Variants in CRYBG1 observed in about 807,000 individuals in gnomAD.
CRYBG1 encodes the protein crystallin beta-gamma domain containing 1, also known as beta/gamma crystallin domain-containing protein 1.
Under a neutral mutation model 189.2 loss-of-function variants are expected in CRYBG1, and 139 were observed. The observed-to-expected ratio is 0.73, with a 90% CI of 0.64 to 0.85. The LOEUF (loss-of-function observed/expected upper bound fraction) is 0.85, where lower values mean the gene tolerates loss of function less well. Ranked by LOEUF, CRYBG1 falls within the 40% of genes least tolerant of loss-of-function variation. CRYBG1 has a pLI of 0.00. For missense variants in CRYBG1, 2,611 were observed against 2,675.8 expected, an observed-to-expected ratio of 0.98 and a Z score of 0.53; for synonymous variants, 1,023 against 1,017.1, an observed-to-expected ratio of 1.01 and a Z score of -0.11.
At chr6:106,404,398 A>G (rs1770776721) in intron 1 of CRYBG1, among the ~76,000 whole-genome samples, 1 of 152,240 alleles carries the variant, frequency 6.6e-6, no homozygotes, top group African/African-American at 2.4e-5. Flanking sequence ...TGCTAATATC[A>G]TTTAATTGAT....
intron 1 of CRYBG1, among the ~76,000 whole-genome samples, chr6:106,395,508 T>C (rs1770586887): frequency 6.6e-6 from 1 of 152,068 alleles, no homozygotes; most frequent in Non-Finnish European, 1.5e-5. Context: ...TATATTTTAA[T>C]GCTATATCTT....
At chr6:106,558,702 C>T in intron 18 of CRYBG1, 77 bp downstream of exon 18, 2 of 1,229,362 alleles carry the variant, frequency 1.6e-6, no homozygotes, top group South Asian at 1.8e-5. Flanking sequence ...GTGGCTCACG[C>T]CTGTATTCCC....
rs142645374 is a variant in CRYBG1 at position 106,482,644 on chromosome 6, G to A, written c.313-28786G>A. 2.4e-3 allele frequency among the ~76,000 whole-genome samples: 360 copies of A among 152,100 alleles called. 5 individuals carry two copies. The East Asian group carries it at 0.042, about 18-fold the overall frequency. On this transcript the variant is annotated intron_variant, in intron 2 of 21. Coordinates refer to ENST00000633556, the MANE Select transcript of CRYBG1 (RefSeq NM_001371242.2). Reference sequence around the variant, plus strand: ...CAAAAAATTAGCTGGGCGTGGTGGCGGGCACCTGTATTCCCAGCTACTTGG... The same window carrying A: ...CAAAAAATTAGCTGGGCGTGGTGGCAGGCACCTGTATTCCCAGCTACTTGG...
chr6:106,369,519 T>C (rs1352343252), intron 1 of CRYBG1, among the ~76,000 whole-genome samples: 4 of 152,202 alleles, frequency 2.6e-5, no homozygotes, highest in Non-Finnish European at 5.9e-5. Flanking sequence ...CCATGCAGAG[T>C]ACACCTCTTA....
chr6:106,521,221 A>G lies in CRYBG1; in HGVS notation c.4013A>G (p.Lys1338Arg), dbSNP rs2114541952. Residue 1338 changes from lysine (K) to arginine (R), a missense_variant, in exon 4 of 22, where the codon AAA becomes AGA. Lys to Arg is a conservative substitution (Grantham distance 26, BLOSUM62 2). Coordinates refer to ENST00000633556, the MANE Select transcript of CRYBG1 (RefSeq NM_001371242.2). ...ATGGAAAAATACCCGCAAAAAGAGA[A>G]AACCAAAGAAGATCTGGATTCACGA... ...SHMEKYPQKE[K>R]TKEDLDSRSN... 6.2e-7 allele frequency: 1 copy of G among 1,614,102 alleles called. No individual in the cohort carries two copies. Among genetic ancestry groups the G allele is most frequent in the Middle Eastern group, 1.6e-4 (1 of 6,062 alleles).
chr6:106,488,756 G>T (rs1225307634), intron 2 of CRYBG1, among the ~76,000 whole-genome samples: 1 of 152,170 alleles, frequency 6.6e-6, no homozygotes, highest in Non-Finnish European at 1.5e-5. Flanking sequence ...ATTTTGGCGT[G>T]GGTGTCCCAG....
At position 106,553,480 on chromosome 6, in the gene CRYBG1, T is replaced by A. The variant is rs868662226; in HGVS notation, c.5498T>A (p.Phe1833Tyr). 15 of 1,613,168 alleles carry A rather than the reference T, an allele frequency of 9.3e-6. No individual in the cohort carries two copies. Among genetic ancestry groups the A allele is most frequent in the Non-Finnish European group, 1.2e-5 (14 of 1,179,234 alleles). The change falls in exon 16 of 22, where the codon TTT becomes TAT. Residue 1833 changes from phenylalanine (F) to tyrosine (Y), a missense_variant. Phe to Tyr is a conservative substitution (Grantham distance 22, BLOSUM62 3). Transcript: ENST00000633556. ...ATTCACTTGTTTTCAGAACCACAGT[T>A]TCAAGGTCACAGTCAAAGTTTTGAA... ...NQIHLFSEPQ[F>Y]QGHSQSFEET...
Position 106,569,389 on chromosome 6 carries a change from TTTTG to T in CRYBG1, c.*827_*830del, listed in dbSNP as rs778372060. On this transcript the variant is annotated 3_prime_UTR_variant, in exon 22 of 22. Coordinates refer to ENST00000633556, the MANE Select transcript of CRYBG1 (RefSeq NM_001371242.2). ...GCACACATCACCAAGCCCAGCCAAATTTTGTTTTTTTTTTGTAGAGATGGGGTTT... is the reference window on the plus strand; with the variant it reads ...GCACACATCACCAAGCCCAGCCAAATTTTTTTTTTTGTAGAGATGGGGTTT... 10 of 151,864 alleles carry T rather than the reference TTTTG, an allele frequency of 6.6e-5. No individual in the cohort carries two copies. The East Asian group carries it at 1.4e-3, about 21-fold the overall frequency. The allele number at this position is 151,864 out of a possible 1,614,324, so 9.4% of individuals were successfully genotyped here.
At position 106,563,868 on chromosome 6, in the gene CRYBG1, G is replaced by A. The variant is rs376626206; in HGVS notation, c.6243G>A (p.Leu2081=). The change falls in exon 21 of 22, where the codon TTG becomes TTA. Residue 2081 remains leucine, a synonymous_variant. Coordinates refer to ENST00000633556, the MANE Select transcript of CRYBG1 (RefSeq NM_001371242.2). ...ATGCTGACAGCCAGTTCTGGAGCTT[G>A]AAGTCCGATGGCAGGATTTACAGCA... The part of the protein sequence containing the change: ...DQNADSQFWS[L]KSDGRIYSKL... 1 of 1,613,474 alleles carries A rather than the reference G, an allele frequency of 6.2e-7. No individual in the cohort carries two copies. Among genetic ancestry groups the A allele is most frequent in the African/African-American group, 1.3e-5 (1 of 74,918 alleles).
chr6:106,424,269 C>T (rs1475267731), intron 1 of CRYBG1, among the ~76,000 whole-genome samples: 1 of 142,114 alleles, frequency 7.0e-6, no homozygotes, highest in Admixed American at 6.7e-5. Flanking sequence ...GAAGGATAAT[C>T]AGTCAATTGG....
Position 106,360,783 on chromosome 6 carries a change from A to AG in CRYBG1, c.-121dup. ...CGGCCGTCCCCCCGCATCCGCGACGAGGGGGCGGGGTCCCACGGCGCGCTG... is the reference window on the plus strand; with the variant it reads ...CGGCCGTCCCCCCGCATCCGCGACGAGGGGGGCGGGGTCCCACGGCGCGCTG... On this transcript the variant is annotated 5_prime_UTR_variant, in exon 1 of 22. Coordinates refer to ENST00000633556, the MANE Select transcript of CRYBG1 (RefSeq NM_001371242.2). 8.6e-7 allele frequency: 1 copy of AG among 1,157,048 alleles called. No individual in the cohort carries two copies. Among genetic ancestry groups the AG allele is most frequent in the South Asian group, 1.7e-5 (1 of 58,376 alleles). The allele number at this position is 1,157,048 out of a possible 1,614,324, so 71.7% of individuals were successfully genotyped here.
chr6:106,371,889 G>T (rs1156906172), intron 1 of CRYBG1, among the ~76,000 whole-genome samples: 1 of 152,180 alleles, frequency 6.6e-6, no homozygotes, highest in African/African-American at 2.4e-5. Context: ...GCACTTAATT[G>T]TATCCTTTCC....
At chr6:106,547,640 G>A (rs1676028) in intron 13 of CRYBG1, among the ~76,000 whole-genome samples, 124,829 of 152,166 alleles carry the variant, frequency 0.82, 51,851 homozygotes, top group South Asian at 0.95. Context: ...TTTTAGCTTG[G>A]TTCTTTATTT....
At position 106,568,787 on chromosome 6, in the gene CRYBG1, C is replaced by T; in HGVS notation, c.*221C>T. 2.3e-6 allele frequency: 1 copy of T among 440,020 alleles called. No individual in the cohort carries two copies. The highest frequency in any genetic ancestry group is 5.6e-4 in the Middle Eastern group (1 of 1,798). The allele number at this position is 440,020 out of a possible 1,614,324, so 27.3% of individuals were successfully genotyped here. A position where few individuals can be genotyped will look rare whatever the true frequency, so the allele number is the denominator to read the frequency against. ...TAATTTGTCCTCCTTTCATTTCTTG[C>T]CTTTCATTTTTGGTAGCTGCTTAAA... On this transcript the variant is annotated 3_prime_UTR_variant, in exon 22 of 22. Transcript: ENST00000633556.
At chr6:106,549,659 G>T (rs1774352966) in intron 13 of CRYBG1, among the ~76,000 whole-genome samples, 3 of 151,884 alleles carry the variant, frequency 2.0e-5, no homozygotes, top group African/African-American at 7.3e-5. Context: ...GGGATGGGGG[G>T]TGGTAGGGGG....
At chr6:106,446,544 A>G (rs2114429327) in intron 1 of CRYBG1, among the ~76,000 whole-genome samples, 1 of 152,278 alleles carries the variant, frequency 6.6e-6, no homozygotes, top group African/African-American at 2.4e-5. Flanking sequence ...ACATTTTATT[A>G]TTTTGGATGT....
In CRYBG1 at chr6:106,544,778, T is replaced by A. The variant is rs1252948825; in HGVS notation, c.5167-10T>A. 5 of 1,601,526 alleles carry A rather than the reference T, an allele frequency of 3.1e-6. No individual in the cohort carries two copies. The African/African-American group carries it at 6.8e-5, about 22-fold the overall frequency. On this transcript the variant is annotated splice_polypyrimidine_tract_variant and intron_variant, in intron 12 of 21. Transcript: ENST00000633556. ...CTAGCCTTTGAATTTTGAATTTTTT[T>A]TCTCAATAGGATTTTTCAAATGCTC...
At chr6:106,460,707 A>T (rs907468319) in intron 2 of CRYBG1, among the ~76,000 whole-genome samples, 5 of 152,216 alleles carry the variant, frequency 3.3e-5, no homozygotes, top group Non-Finnish European at 7.3e-5. Context: ...TGAAGGTCTC[A>T]GAAGAGTAAC....
chr6:106,466,491 G>A (rs1772117638), intron 2 of CRYBG1, among the ~76,000 whole-genome samples: 1 of 152,104 alleles, frequency 6.6e-6, no homozygotes, highest in Non-Finnish European at 1.5e-5. Context: ...AGGTGTCTTG[G>A]GAGTTTCTTC....
Sources: allele counts gnomAD v4.1 joint callset (sites outside exome capture counted in the v4.1 genomes callset), GRCh38; gene constraint gnomAD v4.1.1; transcripts MANE v1.5; gene names NCBI Gene and HGNC (gene_info 2026-07-23, HGNC 2026-07-21).